CPNE1: variants seen among roughly 807,000 people sequenced by gnomAD.
The protein encoded by CPNE1 is copine 1.
A neutral mutation model predicts 63.2 loss-of-function variants in CPNE1; 58 were observed. The observed-to-expected ratio is 0.92, with a 90% CI of 0.74 to 1.14. The LOEUF (loss-of-function observed/expected upper bound fraction) is 1.14, where lower values mean the gene tolerates loss of function less well. Among genes scored for constraint, CPNE1 ranks in the 50% most tolerant of loss-of-function variants. The pLI, the probability that CPNE1 is intolerant of heterozygous loss-of-function variation, is 0.00. For synonymous variants in CPNE1, 237 were observed against 249.0 expected (o/e 0.95, Z 0.45); for missense variants, 672 against 661.7 (o/e 1.02, Z -0.17).
chr20:35,648,847 A>G (rs1382963709), intron 1 of CPNE1: 2 of 152,568 alleles, frequency 1.3e-5, no homozygotes, highest in African/African-American at 4.8e-5. Flanking sequence ...CCAAAGGCAC[A>G]AAATATTTTC....
At position 35,630,739 on chromosome 20, in the gene CPNE1, A is replaced by T; in HGVS notation, c.1050+2T>A. 1 of 1,612,120 alleles carries T rather than the reference A, an allele frequency of 6.2e-7. No individual in the cohort carries two copies. Among genetic ancestry groups the T allele is most frequent in the Non-Finnish European group, 8.5e-7 (1 of 1,179,394 alleles). On this transcript the variant is annotated splice_donor_variant, in intron 12 of 15. Coordinates refer to ENST00000397443, the MANE Select transcript of CPNE1 (RefSeq NM_152925.3). LOFTEE classifies it high-confidence loss of function. Reference sequence around the variant, plus strand: ...GGAGTGGCAGAAAGAGAGGGAGCTCACCTGCCAGTCAGGGGGAACCTGGGC... The same window carrying T: ...GGAGTGGCAGAAAGAGAGGGAGCTCTCCTGCCAGTCAGGGGGAACCTGGGC...
intron 1 of CPNE1, among the ~76,000 whole-genome samples, chr20:35,633,989 C>T (rs1204641905): frequency 7.0e-6 from 1 of 142,880 alleles, no homozygotes; most frequent in African/African-American, 2.7e-5. Context: ...AGGCCGGGGA[C>T]GGTGGCTCAA....
intron 1 of CPNE1, chr20:35,659,130 A>T: frequency 2.6e-6 from 1 of 386,602 alleles, no homozygotes; most frequent in East Asian, 3.8e-5. Flanking sequence ...CTTCATTAGA[A>T]TGCATATCAA....
chr20:35,658,220 G>A (rs1405585988), intron 1 of CPNE1, among the ~76,000 whole-genome samples: 1 of 152,146 alleles, frequency 6.6e-6, no homozygotes, highest in Non-Finnish European at 1.5e-5. Flanking sequence ...TCCATTTAAA[G>A]TCTAAAATTT....
rs947430142 is a variant in CPNE1, at chr20:35,654,115, G to A, written c.-1+10645C>T. 1 of 1,614,170 alleles carries A rather than the reference G, an allele frequency of 6.2e-7. No homozygotes were observed. Among genetic ancestry groups the A allele is most frequent in the East Asian group, 2.2e-5 (1 of 44,890 alleles). On this transcript the variant is annotated intron_variant, in intron 1 of 15. Transcript: ENST00000397443. Reference sequence around the variant, plus strand: ...TGACCTGGGAAGTGTCTGAGGAGGGGGATGAGTTTGTCCAGAAGGTCCCAT... The same window carrying A: ...TGACCTGGGAAGTGTCTGAGGAGGGAGATGAGTTTGTCCAGAAGGTCCCAT...
At position 35,631,187 on chromosome 20, in the gene CPNE1, C is replaced by T. The variant is rs889285393; in HGVS notation, c.802-14G>A. 3.1e-6 allele frequency: 5 copies of T among 1,613,770 alleles called. No homozygotes were observed. In the African/African-American group the frequency reaches 6.7e-5, roughly 22 times the overall value. ...CTCTGTTTCTACCTGCAAATGAAAC[C>T]AGGGTCATGCCTGGGGTGATAGCAG... On this transcript the variant is annotated splice_polypyrimidine_tract_variant and intron_variant, in intron 9 of 15. Coordinates refer to ENST00000397443, the MANE Select transcript of CPNE1 (RefSeq NM_152925.3).
chr20:35,636,088 C>A (rs2032472469), intron 1 of CPNE1, among the ~76,000 whole-genome samples: 1 of 152,230 alleles, frequency 6.6e-6, no homozygotes, highest in South Asian at 2.1e-4. Flanking sequence ...GAGAACTCAT[C>A]TGATACCTGG....
At chr20:35,663,531 T>C (rs944079768) in intron 1 of CPNE1, among the ~76,000 whole-genome samples, 1 of 152,180 alleles carries the variant, frequency 6.6e-6, no homozygotes, top group African/African-American at 2.4e-5. Context: ...TATTGAATAA[T>C]ATAAAACGGT....
chr20:35,640,865 G>A (rs2032760343), intron 1 of CPNE1, among the ~76,000 whole-genome samples: 1 of 152,114 alleles, frequency 6.6e-6, no homozygotes, highest in South Asian at 2.1e-4. Context: ...GAGAGAAGTA[G>A]GCTTTCTAGG....
At chr20:35,638,484 G>T (rs762782497) in intron 1 of CPNE1, among the ~76,000 whole-genome samples, 1 of 152,146 alleles carries the variant, frequency 6.6e-6, no homozygotes, top group Non-Finnish European at 1.5e-5. Flanking sequence ...ATGGCTAAAA[G>T]TATAATTAAA....
chr20:35,632,047 TA>T, intron 5 of CPNE1, 22 bp from the exon 6 acceptor site: 1 of 1,612,904 alleles, frequency 6.2e-7, no homozygotes, highest in Non-Finnish European at 8.5e-7. Context: ...AGACCCCAGT[TA>T]CAAGACTCAG....
At chr20:35,657,246 A>G (rs1004584638) in intron 1 of CPNE1, among the ~76,000 whole-genome samples, 2 of 152,240 alleles carry the variant, frequency 1.3e-5, no homozygotes, top group Admixed American at 6.5e-5. Flanking sequence ...GCTAAAAAAC[A>G]TCACACCAAC....
In CPNE1 at chr20:35,626,712, A is replaced by G. The variant is rs752467501; in HGVS notation, c.1328T>C (p.Met443Thr). ...ACCCACACCCACAATGATCACTGAC[A>G]TGGGCAGGTTCGAGGCACGCACCAC... ...EAVVRASNLP[M>T]SVIIVGVGGA... Residue 443 changes from methionine (M) to threonine (T), a missense_variant, in exon 15 of 16, where the codon ATG (methionine) becomes ACG (threonine). By Grantham distance (81) the Met-to-Thr change is moderately conservative. Coordinates refer to ENST00000397443, the MANE Select transcript of CPNE1 (RefSeq NM_152925.3). 3.8e-5 allele frequency: 61 copies of G among 1,614,182 alleles called. No individual in the cohort carries two copies. The highest frequency in any genetic ancestry group is 8.3e-5 in the Admixed American group (5 of 60,018).
At chr20:35,660,072 A>C (rs1389884740) in intron 1 of CPNE1, among the ~76,000 whole-genome samples, 1 of 152,272 alleles carries the variant, frequency 6.6e-6, no homozygotes, top group Non-Finnish European at 1.5e-5. Context: ...TTCATCGTCT[A>C]GTCAACTACT....
At chr20:35,659,229 A>C (rs6121017) in intron 1 of CPNE1, among the ~76,000 whole-genome samples, 2 of 152,124 alleles carry the variant, frequency 1.3e-5, no homozygotes, top group Admixed American at 6.5e-5. Flanking sequence ...TCTCAAAATA[A>C]TTATATATTT....
At chr20:35,638,660 G>A (rs1172088370) in intron 1 of CPNE1, among the ~76,000 whole-genome samples, 1 of 152,062 alleles carries the variant, frequency 6.6e-6, no homozygotes, top group Non-Finnish European at 1.5e-5. Context: ...CAAAAGAAAT[G>A]GAAACATTAT....
At chr20:35,662,347 TG>T (rs2034277314) in intron 1 of CPNE1, among the ~76,000 whole-genome samples, 1 of 152,232 alleles carries the variant, frequency 6.6e-6, no homozygotes, top group Non-Finnish European at 1.5e-5. Flanking sequence ...TCTTAAAAGC[TG>T]GCTTTAAACT....
At chr20:35,664,350 T>A (rs1192395608) in intron 1 of CPNE1, 2 of 152,240 alleles carry the variant, frequency 1.3e-5, no homozygotes, top group Non-Finnish European at 2.9e-5. Context: ...ACTACGATTA[T>A]CTCCCCACCT....
At chr20:35,654,405 G>C (rs761665005) in intron 1 of CPNE1, 8 of 1,614,208 alleles carry the variant, frequency 5.0e-6, no homozygotes, top group Non-Finnish European at 6.8e-6. Flanking sequence ...CATGCACACT[G>C]ACATACAGAT....
Sources: allele counts gnomAD v4.1 joint callset (sites outside exome capture counted in the v4.1 genomes callset), GRCh38; gene constraint gnomAD v4.1.1; transcripts MANE v1.5; gene names NCBI Gene and HGNC (gene_info 2026-07-23, HGNC 2026-07-21).